The following PARD3 variants were observed in gnomAD, a reference collection of about 807,000 sequenced individuals.
The protein encoded by PARD3 is par-3 family cell polarity regulator.
Under a neutral mutation model 155.4 loss-of-function variants are expected in PARD3, and 75 were observed. The ratio of observed to expected loss-of-function variants is 0.48; its 90% CI spans 0.40 to 0.58. The LOEUF (loss-of-function observed/expected upper bound fraction) is 0.58, where lower values mean the gene tolerates loss of function less well. PARD3 is among the 20% of genes least tolerant of loss of function. The pLI is 0.00. For missense variants in PARD3, 1,642 were observed against 1,721.7 expected (o/e 0.95, Z 0.82); for synonymous variants, 576 against 610.5 (o/e 0.94, Z 0.83).
At chr10:34,725,609 G>A (rs1375248069) in intron 1 of PARD3, among the ~76,000 whole-genome samples, 2 of 152,142 alleles carry the variant, frequency 1.3e-5, no homozygotes, top group East Asian at 1.9e-4. Context: ...ACCCTTGGGG[G>A]GGCACAATAT....
At chr10:34,771,553 C>A (rs1250426929) in intron 1 of PARD3, among the ~76,000 whole-genome samples, 1 of 152,228 alleles carries the variant, frequency 6.6e-6, no homozygotes, top group Admixed American at 6.5e-5. Flanking sequence ...AAAAGTTACA[C>A]AAAACTGAGA....
At chr10:34,400,311 A>G (rs1054305903) in intron 6 of PARD3, among the ~76,000 whole-genome samples, 3 of 152,168 alleles carry the variant, frequency 2.0e-5, no homozygotes, top group Non-Finnish European at 4.4e-5. Context: ...TTACAAAACT[A>G]TTCTGCATAA....
At chr10:34,777,797 G>C (rs1442867179) in intron 1 of PARD3, among the ~76,000 whole-genome samples, 2 of 151,806 alleles carry the variant, frequency 1.3e-5, no homozygotes, top group African/African-American at 4.8e-5. Context: ...CTCTCAAAGT[G>C]TTGGGATTAC....
intron 5 of PARD3, among the ~76,000 whole-genome samples, chr10:34,445,877 T>G (rs2076713384): frequency 6.6e-6 from 1 of 151,934 alleles, no homozygotes; most frequent in Admixed American, 6.6e-5. Flanking sequence ...TTAACAGATC[T>G]GACTGTGTGA....
At chr10:34,351,183 C>T (rs1838039837) in intron 14 of PARD3, among the ~76,000 whole-genome samples, 1 of 152,178 alleles carries the variant, frequency 6.6e-6, no homozygotes, top group Non-Finnish European at 1.5e-5. Flanking sequence ...TGGCCTTAAA[C>T]CCCCTTCAAC....
At chr10:34,440,184 T>C (rs2132647054) in intron 5 of PARD3, among the ~76,000 whole-genome samples, 1 of 152,302 alleles carries the variant, frequency 6.6e-6, no homozygotes, top group South Asian at 2.1e-4. Context: ...AGTGATTCAA[T>C]TTCTAAAAGC....
chr10:34,605,931 CTATATATATATATCTCCTA>C (rs2090351417), intron 2 of PARD3, among the ~76,000 whole-genome samples: 3 of 22,642 alleles, frequency 1.3e-4, no homozygotes, highest in Admixed American at 5.5e-4. Context: ...TATATATCTC[CTATATATATATATCTCCTA>C]TATATATATA....
At chr10:34,413,730 C>T (rs1467105935) in intron 5 of PARD3, among the ~76,000 whole-genome samples, 1 of 152,074 alleles carries the variant, frequency 6.6e-6, no homozygotes, top group African/African-American at 2.4e-5. Flanking sequence ...TTCTGAAAAT[C>T]ACCCCTATAT....
intron 1 of PARD3, among the ~76,000 whole-genome samples, chr10:34,708,670 A>G (rs2094404958): frequency 6.6e-6 from 1 of 152,220 alleles, no homozygotes; most frequent in Admixed American, 6.5e-5. Context: ...TAAAGTGTAC[A>G]TTAGAAATTT....
intron 2 of PARD3, among the ~76,000 whole-genome samples, chr10:34,600,433 T>G (rs1319807525): frequency 6.6e-6 from 1 of 151,934 alleles, no homozygotes; most frequent in Non-Finnish European, 1.5e-5. Flanking sequence ...ATGGAACACA[T>G]GCAGAATGTC....
chr10:34,233,017 A>ATATTTTTT (rs1953014934), intron 22 of PARD3, among the ~76,000 whole-genome samples: 1 of 96,194 alleles, frequency 1.0e-5, no homozygotes, highest in East Asian at 2.7e-4. Context: ...TCAAATGTTA[A>ATATTTTTT]TTTTTTTTTT....
intron 1 of PARD3, among the ~76,000 whole-genome samples, chr10:34,726,703 C>T (rs909012220): frequency 2.6e-5 from 4 of 151,090 alleles, no homozygotes; most frequent in African/African-American, 9.8e-5. Context: ...GTGGAGGCTA[C>T]AGTGAACTGA....
At chr10:34,302,768 A>G (rs1364635608) in intron 20 of PARD3, among the ~76,000 whole-genome samples, 1 of 152,216 alleles carries the variant, frequency 6.6e-6, no homozygotes, top group Non-Finnish European at 1.5e-5. Flanking sequence ...AAAGAAGTCA[A>G]AACCTCTTTC....
At chr10:34,429,452 G>A (rs1045721560) in intron 5 of PARD3, among the ~76,000 whole-genome samples, 3 of 150,800 alleles carry the variant, frequency 2.0e-5, no homozygotes, top group African/African-American at 7.3e-5. Flanking sequence ...TGGAGTACAA[G>A]TGGCATGATA....
At chr10:34,695,109 C>T (rs1467006514) in intron 2 of PARD3, among the ~76,000 whole-genome samples, 1 of 152,218 alleles carries the variant, frequency 6.6e-6, no homozygotes, top group Admixed American at 6.5e-5. Context: ...GCCGCTGCCT[C>T]CATACTACCA....
intron 4 of PARD3, among the ~76,000 whole-genome samples, chr10:34,463,147 GAAGGGAAAGGGGAAGGGGAGGAAGGAA>G (rs1199930413): frequency 7.6e-6 from 1 of 131,906 alleles, no homozygotes; most frequent in Non-Finnish European, 1.6e-5. Flanking sequence ...AAGAGAAGGG[GAAGGGAAAGGGGAAGGGGAGGAAGGAA>G]AAGGGAAAGG....
At chr10:34,111,594 G>T in intron 24 of PARD3, 32 bp from the exon 25 acceptor site, 1 of 1,550,874 alleles carries the variant, frequency 6.4e-7, no homozygotes, top group Non-Finnish European at 8.7e-7. Context: ...TTAGTGTGAG[G>T]GTAGGAAGAA....
intron 12 of PARD3, among the ~76,000 whole-genome samples, chr10:34,372,099 C>A (rs10763986): frequency 0.57 from 87,230 of 151,806 alleles, 26,458 homozygotes; most frequent in African/African-American, 0.79. Context: ...ACTTTTTTTA[C>A]TGTATTCTCT....
intron 1 of PARD3, among the ~76,000 whole-genome samples, chr10:34,734,405 A>G (rs1564560712): frequency 7.8e-6 from 1 of 127,556 alleles, no homozygotes; most frequent in African/African-American, 3.0e-5. Flanking sequence ...GCGCGATCTC[A>G]GCTCACTGCA....
Sources: allele counts gnomAD v4.1 joint callset (sites outside exome capture counted in the v4.1 genomes callset), GRCh38; gene constraint gnomAD v4.1.1; transcripts MANE v1.5; gene names NCBI Gene and HGNC (gene_info 2026-07-23, HGNC 2026-07-21).